Variants in LRRC4C observed in about 807,000 individuals in gnomAD.
The protein encoded by LRRC4C is leucine-rich repeat-containing protein 4C.
In LRRC4C, 5 loss-of-function variants were observed where a neutral mutation model predicts 33.6. The ratio of observed to expected loss-of-function variants is 0.15; its 90% CI spans 0.08 to 0.31. LRRC4C has a LOEUF of 0.31. Among genes scored for constraint, LRRC4C ranks in the 10% least tolerant of loss-of-function variants. The probability of loss-of-function intolerance (pLI) is 1.00; values close to 1 mark genes in which losing one functional copy is unlikely to be tolerated. For synonymous variants in LRRC4C, 329 were observed against 302.0 expected (o/e 1.09, Z -0.93); for missense variants, 560 against 796.7 (o/e 0.70, Z 3.58).
At chr11:40,835,169 A>G (rs1402492776) in intron 2 of LRRC4C, among the ~76,000 whole-genome samples, 1 of 152,154 alleles carries the variant, frequency 6.6e-6, no homozygotes, top group Non-Finnish European at 1.5e-5. Context: ...TCCCTCATAT[A>G]AAAGTGCTTC....
intron 3 of LRRC4C, among the ~76,000 whole-genome samples, chr11:40,565,455 G>T (rs1354882814): frequency 6.6e-6 from 1 of 152,180 alleles, no homozygotes; most frequent in Non-Finnish European, 1.5e-5. Flanking sequence ...CTTGAAGAAG[G>T]CAGTAGAGCT....
At chr11:40,567,243 G>T (rs185715508) in intron 3 of LRRC4C, among the ~76,000 whole-genome samples, 1 of 152,074 alleles carries the variant, frequency 6.6e-6, no homozygotes, top group African/African-American at 2.4e-5. Flanking sequence ...AACCTTCCTT[G>T]CAGCCTTTTC....
At chr11:41,268,828 C>T (rs954968088) in intron 1 of LRRC4C, among the ~76,000 whole-genome samples, 2 of 151,656 alleles carry the variant, frequency 1.3e-5, no homozygotes, top group African/African-American at 2.4e-5. Context: ...AGAAAATATG[C>T]TCTTCAGACA....
intron 3 of LRRC4C, among the ~76,000 whole-genome samples, chr11:40,605,732 G>A (rs1960511428): frequency 6.6e-6 from 1 of 152,152 alleles, no homozygotes. Flanking sequence ...AAGGGCACCA[G>A]CTTGGGGATC....
At chr11:40,322,630 G>A (rs1419836440) in intron 3 of LRRC4C, among the ~76,000 whole-genome samples, 1 of 152,158 alleles carries the variant, frequency 6.6e-6, no homozygotes, top group Non-Finnish European at 1.5e-5. Flanking sequence ...GAAGACCTTG[G>A]AGTCAGACAA....
chr11:41,410,428 T>C (rs1022070622), intron 1 of LRRC4C, among the ~76,000 whole-genome samples: 8 of 151,340 alleles, frequency 5.3e-5, no homozygotes, highest in East Asian at 1.9e-4. Context: ...TTTTTTTTTT[T>C]CGAGACGTTG....
At chr11:40,633,581 G>A (rs1963705304) in intron 3 of LRRC4C, among the ~76,000 whole-genome samples, 1 of 151,558 alleles carries the variant, frequency 6.6e-6, no homozygotes, top group Admixed American at 6.6e-5. Flanking sequence ...TAGAGACAGG[G>A]TTTCACCATA....
chr11:40,451,606 C>T (rs1951891122), intron 3 of LRRC4C, among the ~76,000 whole-genome samples: 3 of 151,694 alleles, frequency 2.0e-5, no homozygotes, highest in Admixed American at 2.0e-4. Context: ...AGGCTGGTCT[C>T]AAACTCCTGA....
At chr11:41,187,833 G>A (rs1945764949) in intron 1 of LRRC4C, among the ~76,000 whole-genome samples, 2 of 152,194 alleles carry the variant, frequency 1.3e-5, no homozygotes, top group African/African-American at 4.8e-5. Context: ...CCCGCTAGAG[G>A]TTTGAGCAGC....
chr11:41,104,906 A>T (rs952179691), intron 1 of LRRC4C, among the ~76,000 whole-genome samples: 3 of 151,952 alleles, frequency 2.0e-5, no homozygotes, highest in Non-Finnish European at 2.9e-5. Context: ...AAGACAGAAA[A>T]TAGACTATTG....
chr11:40,771,163 T>C (rs997281379), intron 2 of LRRC4C, among the ~76,000 whole-genome samples: 1 of 152,216 alleles, frequency 6.6e-6, no homozygotes, highest in Admixed American at 6.5e-5. Flanking sequence ...CAGGCATTTC[T>C]ATACATCTTC....
At chr11:40,488,543 T>C (rs1953987480) in intron 3 of LRRC4C, among the ~76,000 whole-genome samples, 1 of 152,274 alleles carries the variant, frequency 6.6e-6, no homozygotes, top group Non-Finnish European at 1.5e-5. Flanking sequence ...TGTAGTGATT[T>C]GGTCCTTGTC....
intron 2 of LRRC4C, among the ~76,000 whole-genome samples, chr11:40,733,491 T>C (rs971231279): frequency 6.6e-6 from 1 of 152,194 alleles, no homozygotes; most frequent in Non-Finnish European, 1.5e-5. Context: ...TGATTTGGGA[T>C]CCAGATTGAA....
intron 1 of LRRC4C, among the ~76,000 whole-genome samples, chr11:41,436,604 T>C (rs1221234123): frequency 6.6e-6 from 1 of 152,238 alleles, no homozygotes; most frequent in African/African-American, 2.4e-5. Context: ...GCCTCCACTG[T>C]CTGATAATGT....
rs1406705250 is a variant in LRRC4C at position 40,629,805 on chromosome 11, TCTTTA to T, written c.-270+18332_-270+18336del. 1.3e-3 allele frequency among the ~76,000 whole-genome samples: 192 copies of T among 152,204 alleles called. 5 individuals carry two copies. The highest frequency in any genetic ancestry group is 2.4e-4 in the Non-Finnish European group (16 of 68,012). On this transcript the variant is annotated intron_variant, in intron 3 of 6. Coordinates refer to ENST00000528697, the MANE Select transcript of LRRC4C (RefSeq NM_001258419.2). ...TGTTAATATTATGGCACCATTTGCC[TCTTTA>T]TTTTATACAAAAATATATATCTTTC...
chr11:40,283,004 C>T (rs1943584942), intron 4 of LRRC4C, among the ~76,000 whole-genome samples: 1 of 152,172 alleles, frequency 6.6e-6, no homozygotes, highest in Non-Finnish European at 1.5e-5. Context: ...TTTACATTCT[C>T]TTCTTTGATA....
chr11:40,833,048 G>A (rs1446996051), intron 2 of LRRC4C, among the ~76,000 whole-genome samples: 2 of 152,008 alleles, frequency 1.3e-5, no homozygotes, highest in African/African-American at 2.4e-5. Context: ...AATTCTATTG[G>A]CTTTTTAATC....
intron 1 of LRRC4C, among the ~76,000 whole-genome samples, chr11:41,219,620 G>A (rs947754890): frequency 6.6e-6 from 1 of 152,110 alleles, no homozygotes; most frequent in Admixed American, 6.5e-5. Flanking sequence ...TTTTTCTCTA[G>A]CAGGACCATC....
intron 1 of LRRC4C, among the ~76,000 whole-genome samples, chr11:40,955,956 C>T (rs771754007): frequency 6.6e-6 from 1 of 151,758 alleles, no homozygotes; most frequent in Admixed American, 6.6e-5. Flanking sequence ...TCACATTCTC[C>T]GAAGGGTGCA....
Sources: gnomAD v4.1 joint callset for allele counts (sites outside exome capture counted in the v4.1 genomes callset) on GRCh38, gnomAD v4.1.1 for gene constraint, MANE v1.5 for transcripts, NCBI Gene and HGNC (gene_info 2026-07-23, HGNC 2026-07-21) for gene names.